PCDHGA5: variants seen among roughly 807,000 people sequenced by gnomAD.
PCDHGA5 encodes the protein protocadherin gamma-A5.
Under a neutral mutation model 56.7 loss-of-function variants are expected in PCDHGA5, and 36 were observed. The observed-to-expected ratio is 0.64, with a 90% CI of 0.49 to 0.84. The LOEUF (loss-of-function observed/expected upper bound fraction) is 0.84. PCDHGA5 is among the 40% of genes least tolerant of loss of function. PCDHGA5 has a pLI of 0.00. For missense variants in PCDHGA5, 1,305 were observed against 1,201.5 expected, an observed-to-expected ratio of 1.09 and a Z score of -1.27; for synonymous variants, 563 against 520.2, an observed-to-expected ratio of 1.08 and a Z score of -1.12.
rs751302023 is a variant in PCDHGA5 at position 141,364,590 on chromosome 5, C to A, written c.260C>A (p.Ala87Glu). 3.1e-6 allele frequency: 5 copies of A among 1,614,196 alleles called. No homozygotes were observed. The South Asian group carries it at 3.3e-5, about 11-fold the overall frequency. ...CCGCGAAGCGGCAGCTTGGTCACCG[C>A]GGGCAGGATAGACCGGGAGGAGCTC... ...LNPRSGSLVT[A>E]GRIDREELCA... is the part of the protein sequence containing the mutation. Residue 87 changes from alanine (A) to glutamate (E), a missense_variant, in exon 1 of 4, where the codon GCG becomes GAG. Coordinates refer to ENST00000518069, the MANE Select transcript of PCDHGA5 (RefSeq NM_018918.3).
chr5:141,468,458 G>A (rs1047447240), intron 1 of PCDHGA5: 3 of 152,134 alleles, frequency 2.0e-5, no homozygotes, highest in African/African-American at 7.2e-5. Flanking sequence ...ATTAAAGCAA[G>A]TTATTTCTGA....
chr5:141,365,058 C>A lies in PCDHGA5; in HGVS notation c.728C>A (p.Thr243Asn), dbSNP rs769039827. Residue 243 changes from threonine (T) to asparagine (N), a missense_variant, in exon 1 of 4, where the codon ACC becomes AAC. Thr to Asn is a moderately conservative substitution (Grantham distance 65). Coordinates refer to ENST00000518069, the MANE Select transcript of PCDHGA5 (RefSeq NM_018918.3). Reference sequence around the variant, plus strand: ...GCAAACGACAATGCGCCCCTGTTCACCCCATCCGAGTACAGCGTGAGTGTT... The same window carrying A: ...GCAAACGACAATGCGCCCCTGTTCAACCCATCCGAGTACAGCGTGAGTGTT... ...LDANDNAPLF[T>N]PSEYSVSVPE... The A allele has an allele frequency of 1.1e-5, 17 of 1,613,776 alleles. No homozygotes were observed. Among genetic ancestry groups the A allele is most frequent in the Non-Finnish European group, 1.4e-5 (17 of 1,179,912 alleles).
intron 2 of PCDHGA5, among the ~76,000 whole-genome samples, chr5:141,498,971 G>GGGAAGGAAGGAAGGAAGGAAGGAAGGAA (rs201769957): frequency 9.0e-6 from 1 of 110,972 alleles, no homozygotes; most frequent in Non-Finnish European, 1.8e-5. Flanking sequence ...GAGGGAGGGA[G>GGGAAGGAAGGAAGGAAGGAAGGAAGGAA]GGAAGGAAGG....
intron 1 of PCDHGA5, chr5:141,427,590 C>G (rs768990626): frequency 5.9e-6 from 4 of 678,892 alleles, no homozygotes; most frequent in Non-Finnish European, 1.1e-5. Flanking sequence ...CAGCACAAGC[C>G]TCACCCTACG....
At chr5:141,382,105 G>A (rs1265846285) in intron 1 of PCDHGA5, among the ~76,000 whole-genome samples, 7 of 152,166 alleles carry the variant, frequency 4.6e-5, no homozygotes, top group African/African-American at 1.7e-4. Flanking sequence ...TGGGATTACA[G>A]GCGTGAGCAA....
chr5:141,497,740 C>G (rs954595046), intron 2 of PCDHGA5, among the ~76,000 whole-genome samples: 9 of 152,054 alleles, frequency 5.9e-5, no homozygotes, highest in African/African-American at 2.2e-4. Context: ...GGTTTCGCCA[C>G]GTTGGCCAGG....
chr5:141,467,993 C>A (rs984508296), intron 1 of PCDHGA5, among the ~76,000 whole-genome samples: 1 of 152,058 alleles, frequency 6.6e-6, no homozygotes, highest in Admixed American at 6.6e-5. Context: ...AACCACAATT[C>A]TTTCTTCCTC....
chr5:141,483,573 G>A (rs2099583012), intron 1 of PCDHGA5, among the ~76,000 whole-genome samples: 1 of 152,072 alleles, frequency 6.6e-6, no homozygotes, highest in Non-Finnish European at 1.5e-5. Context: ...GTGAATTCTG[G>A]CATAAACACC....
intron 1 of PCDHGA5, chr5:141,378,709 C>T (rs1358072601): frequency 6.6e-6 from 1 of 152,094 alleles, no homozygotes; most frequent in Non-Finnish European, 1.5e-5. Context: ...ATAAGGCTTT[C>T]ATCATATAGG....
intron 1 of PCDHGA5, among the ~76,000 whole-genome samples, chr5:141,454,491 C>T (rs956727548): frequency 6.6e-6 from 1 of 152,194 alleles, no homozygotes; most frequent in South Asian, 2.1e-4. Context: ...ACCGCAACCT[C>T]CACCTCCTGG....
intron 1 of PCDHGA5, among the ~76,000 whole-genome samples, chr5:141,481,782 T>C (rs1348977678): frequency 6.6e-6 from 1 of 152,008 alleles, no homozygotes; most frequent in African/African-American, 2.4e-5. Context: ...TGAAACCCCG[T>C]CTCTACTAAA....
In PCDHGA5 at chr5:141,490,376, C is replaced by T. The variant is rs761956816; in HGVS notation, c.2422-4431C>T. 2 of 1,614,184 alleles carry T rather than the reference C, an allele frequency of 1.2e-6. No individual in the cohort carries two copies. The highest frequency in any genetic ancestry group is 1.7e-6 in the Non-Finnish European group (2 of 1,180,036). ...TTGTTTAATGTGCGAGACCGGGACT[C>T]AGGTAGAAATGGTGAAGTGAGCCTT... is the stretch of plus-strand genomic sequence containing the variant. On this transcript the variant is annotated intron_variant, in intron 1 of 3. Transcript: ENST00000518069. The surrounding 1 kb of genome is among the most constrained non-coding windows in gnomAD (Gnocchi z 5.4).
chr5:141,372,672 T>A, intron 1 of PCDHGA5: 1 of 1,613,978 alleles, frequency 6.2e-7, no homozygotes. Context: ...TGCCTCACAT[T>A]CCTCAAACAC....
chr5:141,388,397 A>C, intron 1 of PCDHGA5: 1 of 1,613,956 alleles, frequency 6.2e-7, no homozygotes, highest in Non-Finnish European at 8.5e-7. Context: ...AGAATTACCA[A>C]CTCAGTCCCA....
intron 1 of PCDHGA5, chr5:141,399,149 C>A: frequency 6.2e-7 from 1 of 1,613,772 alleles, no homozygotes; most frequent in Non-Finnish European, 8.5e-7. Flanking sequence ...GACAATAGCC[C>A]AGAAGTTACA....
intron 1 of PCDHGA5, chr5:141,409,824 C>A (rs1265260597): frequency 6.2e-7 from 1 of 1,610,742 alleles, no homozygotes; most frequent in Non-Finnish European, 8.5e-7. Flanking sequence ...GGCTCGCCCA[C>A]GCTCAGCGCC....
chr5:141,398,448 G>A lies in PCDHGA5; in HGVS notation c.2421+31697G>A, dbSNP rs1213915296. On this transcript the variant is annotated intron_variant, in intron 1 of 3. Coordinates refer to ENST00000518069, the MANE Select transcript of PCDHGA5 (RefSeq NM_018918.3). ...AGCCAGCTTGTGCTCTGGAATTTGAGGCTGTTGCTGAAAATCCACTGAACT... is the reference window on the plus strand; with the variant it reads ...AGCCAGCTTGTGCTCTGGAATTTGAAGCTGTTGCTGAAAATCCACTGAACT... 2.5e-6 allele frequency: 4 copies of A among 1,574,288 alleles called. No individual in the cohort carries two copies. In the Middle Eastern group the frequency reaches 5.2e-4, roughly 203 times the overall value.
intron 1 of PCDHGA5, chr5:141,371,115 G>C (rs757942462): frequency 1.3e-5 from 21 of 1,613,902 alleles, no homozygotes; most frequent in Non-Finnish European, 1.8e-5. Flanking sequence ...TAACCCCCCA[G>C]TATTTACTCA....
intron 1 of PCDHGA5, chr5:141,370,706 G>T (rs536075571): frequency 1.2e-5 from 19 of 1,613,790 alleles, no homozygotes; most frequent in Middle Eastern, 1.6e-4. Context: ...CGTGTGTTCT[G>T]GAATTTGAAA....
Sources: gnomAD v4.1 joint callset for allele counts (sites outside exome capture counted in the v4.1 genomes callset) on GRCh38, gnomAD v4.1.1 for gene constraint, Gnocchi (gnomAD v3.1) non-coding constraint, MANE v1.5 for transcripts, NCBI Gene and HGNC (gene_info 2026-07-23, HGNC 2026-07-21) for gene names.